The following VPS13C variants were observed in gnomAD, a reference collection of about 807,000 sequenced individuals.
VPS13C encodes the protein vacuolar protein sorting 13 homolog C.
VPS13C carries 358 observed loss-of-function variants against 456.8 expected under a neutral mutation model. The ratio of observed to expected loss-of-function variants is 0.78; its 90% CI spans 0.72 to 0.86. The LOEUF (loss-of-function observed/expected upper bound fraction) is 0.86, where lower values mean the gene tolerates loss of function less well. Ranked by LOEUF, VPS13C falls within the 40% of genes least tolerant of loss-of-function variation. The probability of loss-of-function intolerance (pLI) is 0.00; values close to 1 mark genes in which losing one functional copy is unlikely to be tolerated. For synonymous variants in VPS13C, 1,578 were observed against 1,486.7 expected (o/e 1.06, Z -1.41); for missense variants, 4,818 against 4,385.4 (o/e 1.10, Z -2.79).
rs576277612 is a variant in VPS13C at position 61,945,604 on chromosome 15, A to T, written c.5148+111T>A. ...AATATTAACATTCTGTTCAGCACTC[A>T]GGTGCTCATCACACAGCCTTATCAG... On this transcript the variant is annotated intron_variant, in intron 45 of 84. Coordinates refer to ENST00000644861, the MANE Select transcript of VPS13C (RefSeq NM_020821.3). 8.3e-6 allele frequency: 6 copies of T among 721,972 alleles called. No homozygotes were observed. The African/African-American group carries it at 8.9e-5, about 11-fold the overall frequency. The allele number at this position is 721,972 out of a possible 1,614,324, so 44.7% of individuals were successfully genotyped here.
chr15:62,033,949 C>A (rs181197500), intron 4 of VPS13C, among the ~76,000 whole-genome samples: 2 of 150,682 alleles, frequency 1.3e-5, no homozygotes, highest in Admixed American at 1.3e-4. Context: ...GAGAGTAATT[C>A]GGAATACATA....
At chr15:61,924,325 T>C (rs2043769555) in intron 53 of VPS13C, among the ~76,000 whole-genome samples, 1 of 152,200 alleles carries the variant, frequency 6.6e-6, no homozygotes, top group Non-Finnish European at 1.5e-5. Context: ...GATGTCCTGG[T>C]CTGAATTAAA....
intron 67 of VPS13C, among the ~76,000 whole-genome samples, chr15:61,889,747 T>C (rs1054783822): frequency 2.0e-5 from 3 of 152,194 alleles, no homozygotes; most frequent in Non-Finnish European, 4.4e-5. Context: ...TCCCCCTAAC[T>C]CATGACAGTT....
intron 82 of VPS13C, among the ~76,000 whole-genome samples, chr15:61,857,135 GAGA>G (rs1179475733): frequency 6.6e-6 from 1 of 152,122 alleles, no homozygotes; most frequent in Non-Finnish European, 1.5e-5. Flanking sequence ...TACAAAAGAA[GAGA>G]AGGACTATTA....
In VPS13C at chr15:62,060,284, T is replaced by C. The variant is rs780395971; in HGVS notation, c.91A>G (p.Ile31Val). 6 of 1,604,692 alleles carry C rather than the reference T, an allele frequency of 3.7e-6. No individual in the cohort carries two copies. In the South Asian group the frequency reaches 4.5e-5, roughly 12 times the overall value. Reference protein sequence around the residue: ...NLNKSQLKLGIWGGNVALDNL... With the variant: ...NLNKSQLKLGVWGGNVALDNL... ...GCGCCCTCTCGCTTACCGCCCCAGA[T>C]GCCCAGCTTCAGCTGGGACTTGTTC... Residue 31 changes from isoleucine (I) to valine (V), a missense_variant, in exon 1 of 85, where the codon ATC (isoleucine) becomes GTC (valine). Physicochemically the swap from Ile to Val is conservative, Grantham distance 29. This residue lies in a region of VPS13C where 4,552 missense variants were observed against 4,130.6 expected (regional missense o/e 1.10). Coordinates refer to ENST00000644861, the MANE Select transcript of VPS13C (RefSeq NM_020821.3).
intron 65 of VPS13C, 125 bp from the exon 66 acceptor site, chr15:61,907,515 C>G (rs2043184611): frequency 2.4e-6 from 3 of 1,262,646 alleles, no homozygotes; most frequent in East Asian, 2.5e-5. Flanking sequence ...TAAAACACAA[C>G]TCTACCTAAA....
At chr15:61,982,273 T>A (rs1276620251) in intron 21 of VPS13C, among the ~76,000 whole-genome samples, 186 bp downstream of exon 21, 1 of 152,238 alleles carries the variant, frequency 6.6e-6, no homozygotes, top group Non-Finnish European at 1.5e-5. Context: ...CATATTATGC[T>A]CTTTCTCACC....
At position 61,863,514 on chromosome 15, in the gene VPS13C, C is replaced by T. The variant is rs758441816; in HGVS notation, c.10878G>A (p.Lys3626=). 6.2e-7 allele frequency: 1 copy of T among 1,612,584 alleles called. No individual in the cohort carries two copies. The highest frequency in any genetic ancestry group is 2.2e-5 in the East Asian group (1 of 44,760). The change falls in exon 82 of 85, where the codon AAG becomes AAA. Residue 3626 remains lysine (K), a synonymous_variant. Transcript: ENST00000644861. ...GGTATCGGTAAGTCTCTCCTTCCAA[C>T]TTTTTGATATGATTCTGAAAAGGAA... The part of the protein sequence containing the change: ...GSDLLENHIK[K]LEGETYRYHC...
intron 1 of VPS13C, 53 bp from the exon 2 acceptor site, chr15:62,044,308 A>G: frequency 8.7e-7 from 1 of 1,146,868 alleles, no homozygotes; most frequent in Non-Finnish European, 1.2e-6. Context: ...CAATTTTTAA[A>G]CCTATCACAA....
intron 81 of VPS13C, chr15:61,866,971 A>C: frequency 1.6e-5 from 16 of 981,278 alleles, no homozygotes; most frequent in Non-Finnish European, 1.9e-5. Flanking sequence ...AAACATTTCC[A>C]TCATTTATTA....
At chr15:62,045,573 G>A (rs1030045746) in intron 1 of VPS13C, among the ~76,000 whole-genome samples, 3 of 152,058 alleles carry the variant, frequency 2.0e-5, no homozygotes. Context: ...GGTAGGCAAG[G>A]GCCAGACTAA....
At chr15:61,895,998 T>C (rs2042798511) in intron 66 of VPS13C, among the ~76,000 whole-genome samples, 1 of 152,198 alleles carries the variant, frequency 6.6e-6, no homozygotes, top group Non-Finnish European at 1.5e-5. Context: ...ATATTTGAGA[T>C]ATGAATATGT....
rs764618513 is a variant in VPS13C at position 61,945,815 on chromosome 15, C to G, written c.5048G>C (p.Gly1683Ala). The G allele has an allele frequency of 8.1e-6, 13 of 1,613,440 alleles. No homozygotes were observed. The highest frequency in any genetic ancestry group is 6.8e-6 in the Non-Finnish European group (8 of 1,179,704). ...QLTLYPDATE[G>A]EAYADMSKVD... ...TTTGGACATATCAGCATAGGCCTCT[C>G]CTTCTGTGGCATCTGGATAAAGAGT... The change falls in exon 45 of 85, where the codon GGA becomes GCA. Residue 1683 changes from glycine (G) to alanine (A), a missense_variant. Gly to Ala is a moderately conservative substitution (Grantham distance 60, BLOSUM62 0). Around this residue, in one of 3 missense-constraint regions of VPS13C, gnomAD observed 4,552 missense variants for 4,130.6 expected, o/e 1.10. Coordinates refer to ENST00000644861, the MANE Select transcript of VPS13C (RefSeq NM_020821.3).
intron 82 of VPS13C, 83 bp downstream of exon 82, chr15:61,863,357 C>G: frequency 9.8e-7 from 1 of 1,016,828 alleles, no homozygotes; most frequent in Non-Finnish European, 1.5e-6. Flanking sequence ...AATTTTCCAA[C>G]TCTTCTGCCA....
At chr15:61,981,248 T>C (rs1221431257) in intron 22 of VPS13C, 94 bp downstream of exon 22, 65 of 1,366,618 alleles carry the variant, frequency 4.8e-5, no homozygotes, top group Non-Finnish European at 6.4e-5. Flanking sequence ...ACATTTAGTT[T>C]AGTGAACTCT....
chr15:61,891,797 G>T (rs2042660683), intron 66 of VPS13C, among the ~76,000 whole-genome samples: 1 of 152,250 alleles, frequency 6.6e-6, no homozygotes, highest in Non-Finnish European at 1.5e-5. Flanking sequence ...TGGAAGAGTA[G>T]AAGCAATGTG....
At chr15:61,950,541 C>CA in intron 40 of VPS13C, 124 bp from the exon 41 acceptor site, 1 of 641,816 alleles carries the variant, frequency 1.6e-6, no homozygotes, top group Non-Finnish European at 2.5e-6. Flanking sequence ...TTCCTAAAGG[C>CA]AAAGAAAGCC....
Position 61,868,687 on chromosome 15 carries a change from T to G in VPS13C, c.10835A>C (p.Gln3612Pro). 1 of 1,614,102 alleles carries G rather than the reference T, an allele frequency of 6.2e-7. No individual in the cohort carries two copies. The highest frequency in any genetic ancestry group is 1.1e-5 in the South Asian group (1 of 91,074). Residue 3612 changes from glutamine to proline, a missense_variant, in exon 81 of 85, where the codon CAG becomes CCG. Coordinates refer to ENST00000644861, the MANE Select transcript of VPS13C (RefSeq NM_020821.3). ...EDGIIRPYDRQESEGSDLLEN... is the reference protein window; with the variant it reads ...EDGIIRPYDRPESEGSDLLEN... ...AAGTAAGTCAGAGCCCTCAGATTCC[T>G]GTCTGTCATAAGGACGAATGATGCC...
rs139015091 is a variant in VPS13C, at chr15:61,987,659, G to A, written c.1579-2660C>T. Among the ~76,000 whole-genome samples, 27 of 152,246 alleles carry A rather than the reference G, an allele frequency of 1.8e-4. No individual in the cohort carries two copies. The East Asian group carries it at 5.0e-3, about 28-fold the overall frequency. On this transcript the variant is annotated intron_variant, in intron 18 of 84. Transcript: ENST00000644861. ...AAACCTAACCGTATAAACATCATTA[G>A]TCATTAGGAAAATGCAAATTAAAAC...
Sources: allele counts gnomAD v4.1 joint callset (sites outside exome capture counted in the v4.1 genomes callset), GRCh38; gene constraint gnomAD v4.1.1; regional missense constraint gnomAD v4.1.1; transcripts MANE v1.5; gene names NCBI Gene and HGNC (gene_info 2026-07-23, HGNC 2026-07-21).